Variants in CTDSPL observed in about 807,000 individuals in gnomAD.
The protein encoded by CTDSPL is CTD small phosphatase-like protein.
In CTDSPL, 8 loss-of-function variants were observed where a neutral mutation model predicts 30.5. That is an observed-to-expected ratio of 0.26 (90% CI 0.15 to 0.47). The LOEUF is 0.47. CTDSPL is among the 20% of genes least tolerant of loss of function. The pLI is 0.99. For missense variants in CTDSPL, 248 were observed against 366.1 expected (o/e 0.68, Z 2.63); for synonymous variants, 110 against 137.9 (o/e 0.80, Z 1.42).
At chr3:37,968,678 A>G (rs999027569) in intron 5 of CTDSPL, among the ~76,000 whole-genome samples, 1 of 152,192 alleles carries the variant, frequency 6.6e-6, no homozygotes, top group African/African-American at 2.4e-5. Flanking sequence ...TTGAGCCACA[A>G]CGGGATGTCT....
intron 3 of CTDSPL, among the ~76,000 whole-genome samples, chr3:37,960,392 A>C (rs1699222545): frequency 6.8e-6 from 1 of 147,088 alleles, no homozygotes; most frequent in African/African-American, 2.5e-5. Context: ...AGGCAGGAGA[A>C]TCACTTGAAC....
At chr3:37,958,239 T>C (rs775442919) in intron 3 of CTDSPL, among the ~76,000 whole-genome samples, 21 of 152,218 alleles carry the variant, frequency 1.4e-4, no homozygotes, top group Non-Finnish European at 2.6e-4. Flanking sequence ...ACTCTAACTC[T>C]TCATTGACTA....
intron 1 of CTDSPL, among the ~76,000 whole-genome samples, chr3:37,876,732 A>C (rs1698138596): frequency 6.6e-6 from 1 of 151,874 alleles, no homozygotes; most frequent in African/African-American, 2.4e-5. Flanking sequence ...GTGTTTTGCA[A>C]ATGTTTTTCC....
Position 37,975,236 on chromosome 3 carries a change from G to A in CTDSPL, c.520-473G>A, listed in dbSNP as rs1306824410. On this transcript the variant is annotated intron_variant, in intron 6 of 7. Coordinates refer to ENST00000273179, the MANE Select transcript of CTDSPL (RefSeq NM_001008392.2). The surrounding 1 kb of genome is among the most constrained non-coding windows in gnomAD (Gnocchi z 4.9). ...ATTCAGCTGTGCCATGTGGGACGCA[G>A]CAGTGAGGAACGTGGGCCTTACTCC... is the stretch of plus-strand genomic sequence containing the variant. Among the ~76,000 whole-genome samples, 15 of 152,238 alleles carry A rather than the reference G, an allele frequency of 9.9e-5. No homozygotes were observed. Among genetic ancestry groups the A allele is most frequent in the Non-Finnish European group, 2.2e-4 (15 of 68,038 alleles).
At chr3:37,895,324 C>CTAG (rs2125598561) in intron 1 of CTDSPL, among the ~76,000 whole-genome samples, 1 of 152,156 alleles carries the variant, frequency 6.6e-6, no homozygotes, top group East Asian at 1.9e-4. Flanking sequence ...TTATCCTTAG[C>CTAG]TAGGTTGCTT....
At chr3:37,960,533 TATACACACAC>T (rs1316967380) in intron 3 of CTDSPL, among the ~76,000 whole-genome samples, 500 of 33,500 alleles carry the variant, frequency 0.015, 7 homozygotes, top group Non-Finnish European at 0.019. Flanking sequence ...TATATATATA[TATACACACAC>T]ACACACACAC....
chr3:37,961,741 G>C (rs981602874), intron 3 of CTDSPL, among the ~76,000 whole-genome samples: 1 of 152,174 alleles, frequency 6.6e-6, no homozygotes, highest in Non-Finnish European at 1.5e-5. Context: ...AGCTCTGAGG[G>C]CTTGAGGAGC....
chr3:37,883,160 T>C (rs949619823), intron 1 of CTDSPL, among the ~76,000 whole-genome samples: 2 of 151,932 alleles, frequency 1.3e-5, no homozygotes, highest in African/African-American at 4.8e-5. Flanking sequence ...CAAAGACATA[T>C]GTGAAATGGA....
intron 1 of CTDSPL, among the ~76,000 whole-genome samples, chr3:37,939,821 C>T (rs1442787057): frequency 6.6e-6 from 1 of 150,442 alleles, no homozygotes; most frequent in East Asian, 1.9e-4. Context: ...GGGCTGGGCA[C>T]GGTGGTTCAC....
Position 37,981,741 on chromosome 3 carries a change from G to A in CTDSPL, c.*874G>A, listed in dbSNP as rs557524852. On this transcript the variant is annotated 3_prime_UTR_variant, in exon 8 of 8. Transcript: ENST00000273179. ...TTGTGTTTTTTGTTGTTATTGTTTG[G>A]GTAGAGCAGTTACAAGAAACCCTAA... is the stretch of plus-strand genomic sequence containing the variant. 42 of 442,110 alleles carry A rather than the reference G, an allele frequency of 9.5e-5. 1 individual carries two copies. Among genetic ancestry groups the A allele is most frequent in the South Asian group, 6.7e-4 (42 of 62,914 alleles). The allele number at this position is 442,110 out of a possible 1,614,324, so 27.4% of individuals were successfully genotyped here. A position where few individuals can be genotyped will look rare whatever the true frequency, so the allele number is the denominator to read the frequency against.
chr3:37,973,155 A>G (rs1416097275), intron 6 of CTDSPL, among the ~76,000 whole-genome samples: 2 of 152,262 alleles, frequency 1.3e-5, no homozygotes, highest in South Asian at 2.1e-4. Flanking sequence ...CATTTCAAAA[A>G]GAGAACAAGG....
At chr3:37,980,631 C>A in intron 7 of CTDSPL, 111 bp from the exon 8 acceptor site, 1 of 1,363,766 alleles carries the variant, frequency 7.3e-7, no homozygotes, top group Non-Finnish European at 1.0e-6. Context: ...GATGATGACA[C>A]CAGTCGTCCT....
intron 1 of CTDSPL, among the ~76,000 whole-genome samples, chr3:37,911,498 C>T (rs1011296644): frequency 2.6e-5 from 4 of 152,160 alleles, no homozygotes; most frequent in Admixed American, 1.3e-4. Flanking sequence ...GTGGAGCTTA[C>T]ACAGAGAAGG....
chr3:37,972,471 G>A (rs1013570288), intron 6 of CTDSPL, among the ~76,000 whole-genome samples: 3 of 152,162 alleles, frequency 2.0e-5, no homozygotes, highest in Non-Finnish European at 4.4e-5. Flanking sequence ...CACCCTGGGC[G>A]ACAGTGACTC....
At chr3:37,960,508 ATAT>A (rs1559645132) in intron 3 of CTDSPL, among the ~76,000 whole-genome samples, 10 of 27,248 alleles carry the variant, frequency 3.7e-4, no homozygotes, top group African/African-American at 1.1e-3. Context: ...AAAAAAAAAT[ATAT>A]ATATATATAT....
At position 37,975,455 on chromosome 3, in the gene CTDSPL, C is replaced by T. The variant is rs998879698; in HGVS notation, c.520-254C>T. Among the ~76,000 whole-genome samples, 16 of 152,028 alleles carry T rather than the reference C, an allele frequency of 1.1e-4. No homozygotes were observed. The highest frequency in any genetic ancestry group is 3.9e-4 in the African/African-American group (16 of 41,378). ...TCGAGGCCCAGGCTAAGGGTGGTGGCAATATAAATAGATGCAAATGGAGTC... is the reference window on the plus strand; with the variant it reads ...TCGAGGCCCAGGCTAAGGGTGGTGGTAATATAAATAGATGCAAATGGAGTC... On this transcript the variant is annotated intron_variant, in intron 6 of 7. Transcript: ENST00000273179. This position sits in a 1 kb window ranked among gnomAD's most constrained non-coding sequence, Gnocchi z 4.9.
intron 1 of CTDSPL, among the ~76,000 whole-genome samples, chr3:37,883,305 C>T (rs542673240): frequency 2.0e-5 from 3 of 152,306 alleles, no homozygotes; most frequent in East Asian, 3.9e-4. Flanking sequence ...CTGGCTCCCC[C>T]GTGGTCTAAG....
At chr3:37,931,848 A>AG (rs1698858579) in intron 1 of CTDSPL, among the ~76,000 whole-genome samples, 1 of 152,148 alleles carries the variant, frequency 6.6e-6, no homozygotes, top group Admixed American at 6.5e-5. Flanking sequence ...GCTTTAAAAA[A>AG]GAATTAAACT....
In CTDSPL at chr3:37,960,505, A is replaced by AATAT. The variant is rs1379736177; in HGVS notation, c.267+3390_267+3393dup. Among the ~76,000 whole-genome samples the AATAT allele has an allele frequency of 3.5e-3, 136 of 38,500 alleles. 3 individuals are homozygous for AATAT. Among genetic ancestry groups the AATAT allele is most frequent in the Middle Eastern group, 0.019 (1 of 54 alleles). The allele number at this position is 38,500 out of a possible 152,430, so 25.3% of individuals were successfully genotyped here. ...CAAAAAAAAAAAAAAAAAAAAAAAA[A>AATAT]ATATATATATATATATATATATATA... On this transcript the variant is annotated intron_variant, in intron 3 of 7. Transcript: ENST00000273179.
Sources: allele counts gnomAD v4.1 joint callset (sites outside exome capture counted in the v4.1 genomes callset), GRCh38; gene constraint gnomAD v4.1.1; non-coding constraint Gnocchi (gnomAD v3.1); transcripts MANE v1.5; gene names NCBI Gene and HGNC (gene_info 2026-07-23, HGNC 2026-07-21).